Variants in SYNPR observed in about 807,000 individuals in gnomAD.
The protein encoded by SYNPR is synaptoporin.
SYNPR carries 23 observed loss-of-function variants against 32.9 expected under a neutral mutation model. The ratio of observed to expected loss-of-function variants is 0.70; its 90% CI spans 0.50 to 0.99. SYNPR has a LOEUF of 0.99. Ranked by LOEUF, SYNPR falls within the 50% of genes least tolerant of loss-of-function variation. The probability of loss-of-function intolerance (pLI) is 0.00; values close to 1 mark genes in which losing one functional copy is unlikely to be tolerated. For synonymous variants in SYNPR, 146 were observed against 135.9 expected, an observed-to-expected ratio of 1.07 and a Z score of -0.52; for missense variants, 318 against 349.3, an observed-to-expected ratio of 0.91 and a Z score of 0.71.
intron 1 of SYNPR, among the ~76,000 whole-genome samples, chr3:63,229,052 T>G (rs1301401769): frequency 6.6e-6 from 1 of 152,216 alleles, no homozygotes; most frequent in Non-Finnish European, 1.5e-5. Context: ...ACTCAGTTTT[T>G]ATTATATCAA....
At chr3:63,589,065 T>C (rs2106873414) in intron 4 of SYNPR, among the ~76,000 whole-genome samples, 1 of 152,158 alleles carries the variant, frequency 6.6e-6, no homozygotes, top group South Asian at 2.1e-4. Flanking sequence ...AACAAGCAGG[T>C]AGTAAAGAAG....
chr3:63,222,026 T>TTTTTTTTTTTTTTTTTTTTTTA, the SYNPR span, among the ~76,000 whole-genome samples: 1 of 140,558 alleles, frequency 7.1e-6, no homozygotes, highest in Non-Finnish European at 1.6e-5. Flanking sequence ...TTTTTTTTTT[T>TTTTTTTTTTTTTTTTTTTTTTA]TTTTTTTTTT....
intron 2 of SYNPR, among the ~76,000 whole-genome samples, chr3:63,382,919 T>C (rs2087990540): frequency 6.6e-6 from 1 of 152,240 alleles, no homozygotes; most frequent in South Asian, 2.1e-4. Context: ...TGGATGGTTG[T>C]ATTCTTTTGT....
At chr3:63,221,870 A>AACT in the SYNPR span, among the ~76,000 whole-genome samples, 2 of 152,136 alleles carry the variant, frequency 1.3e-5, no homozygotes, top group African/African-American at 4.8e-5. Flanking sequence ...GGATAACTAA[A>AACT]TTAAATATCT....
At chr3:63,587,286 T>C (rs1188409175) in intron 4 of SYNPR, among the ~76,000 whole-genome samples, 1 of 152,120 alleles carries the variant, frequency 6.6e-6, no homozygotes, top group Non-Finnish European at 1.5e-5. Flanking sequence ...TTAACATTTG[T>C]ATTTAATTTT....
intron 3 of SYNPR, among the ~76,000 whole-genome samples, chr3:63,520,588 G>A (rs558473555): frequency 8.8e-4 from 134 of 151,744 alleles, no homozygotes; most frequent in Admixed American, 2.1e-3. Flanking sequence ...CAGAAGAATC[G>A]CTTGAACCCA....
intron 4 of SYNPR, among the ~76,000 whole-genome samples, chr3:63,584,023 T>C (rs1472433699): frequency 6.6e-6 from 1 of 151,998 alleles, no homozygotes; most frequent in Non-Finnish European, 1.5e-5. Context: ...GAAAGAAAAA[T>C]ACTGGCCTTT....
At chr3:63,260,875 G>GA (rs202160886) in intron 2 of SYNPR, among the ~76,000 whole-genome samples, 11,379 of 144,584 alleles carry the variant, frequency 0.079, 1,230 homozygotes, top group African/African-American at 0.25. Context: ...AAATTTACAA[G>GA]AAAAAAAAAA....
At chr3:63,256,969 G>C (rs11712882) in intron 2 of SYNPR, among the ~76,000 whole-genome samples, 32,879 of 152,112 alleles carry the variant, frequency 0.22, 3,987 homozygotes, top group African/African-American at 0.29. Flanking sequence ...AAGGGTATCA[G>C]TGATGGAAGA....
At chr3:63,258,683 C>A (rs1179567522) in intron 2 of SYNPR, among the ~76,000 whole-genome samples, 3 of 151,988 alleles carry the variant, frequency 2.0e-5, no homozygotes, top group Non-Finnish European at 4.4e-5. Flanking sequence ...AGAGCAAACA[C>A]ATTCAAAAGC....
intron 3 of SYNPR, among the ~76,000 whole-genome samples, chr3:63,517,615 G>C (rs17338331): frequency 6.6e-6 from 1 of 151,950 alleles, no homozygotes; most frequent in South Asian, 2.1e-4. Flanking sequence ...TTGCCCTTGC[G>C]CTCATTTAAG....
At chr3:63,374,665 T>C (rs186637959) in intron 2 of SYNPR, among the ~76,000 whole-genome samples, 16 of 152,340 alleles carry the variant, frequency 1.1e-4, no homozygotes, top group African/African-American at 3.8e-4. Context: ...CTTCAAATCT[T>C]TCAGGGTTTC....
chr3:63,545,623 A>G (rs1215986648), intron 3 of SYNPR: 1 of 152,110 alleles, frequency 6.6e-6, no homozygotes, highest in Non-Finnish European at 1.5e-5. Context: ...AATAAGGCAG[A>G]TCCTCCTTGA....
intron 3 of SYNPR, among the ~76,000 whole-genome samples, chr3:63,499,358 T>C (rs1294058229): frequency 6.6e-6 from 1 of 152,120 alleles, no homozygotes; most frequent in Non-Finnish European, 1.5e-5. Flanking sequence ...TTAGATGCAA[T>C]AGTTTTTTTC....
chr3:63,507,441 A>C (rs1701610701), intron 3 of SYNPR, among the ~76,000 whole-genome samples: 1 of 152,146 alleles, frequency 6.6e-6, no homozygotes, highest in African/African-American at 2.4e-5. Flanking sequence ...TCTGTGAAGT[A>C]CTCATATGTT....
At chr3:63,603,095 T>C (rs1269142624) in intron 4 of SYNPR, among the ~76,000 whole-genome samples, 3 of 152,204 alleles carry the variant, frequency 2.0e-5, no homozygotes, top group African/African-American at 7.2e-5. Flanking sequence ...TATTTTATTC[T>C]TTTTGTGATT....
chr3:63,320,095 G>A (rs186228521), intron 2 of SYNPR, among the ~76,000 whole-genome samples: 7 of 152,030 alleles, frequency 4.6e-5, no homozygotes, highest in Middle Eastern at 6.8e-3. Flanking sequence ...GACTATAGAT[G>A]TGCAGCACCA....
intron 2 of SYNPR, among the ~76,000 whole-genome samples, chr3:63,265,500 C>T (rs1348240298): frequency 3.3e-5 from 5 of 152,152 alleles, no homozygotes; most frequent in Non-Finnish European, 7.3e-5. Context: ...GATCCACCTG[C>T]CTCAACTTCC....
intron 2 of SYNPR, among the ~76,000 whole-genome samples, chr3:63,373,017 G>C (rs2087840872): frequency 6.6e-6 from 1 of 152,084 alleles, no homozygotes; most frequent in African/African-American, 2.4e-5. Flanking sequence ...TGAGAACTCA[G>C]CTACAAACCC....
Sources: allele counts gnomAD v4.1 joint callset (sites outside exome capture counted in the v4.1 genomes callset), GRCh38; gene constraint gnomAD v4.1.1; transcripts MANE v1.5; gene names NCBI Gene and HGNC (gene_info 2026-07-23, HGNC 2026-07-21).